DSCAM: variants seen among roughly 807,000 people sequenced by gnomAD.
DSCAM encodes cell adhesion molecule DSCAM.
A neutral mutation model predicts 217.7 loss-of-function variants in DSCAM; 47 were observed. The ratio of observed to expected loss-of-function variants is 0.22; its 90% CI spans 0.17 to 0.28. The LOEUF is 0.28. Ranked by LOEUF, DSCAM falls within the 10% of genes least tolerant of loss-of-function variation. The probability of loss-of-function intolerance (pLI) is 1.00; values close to 1 mark genes in which losing one functional copy is unlikely to be tolerated. For missense variants in DSCAM, 2,080 were observed against 2,618.3 expected, an observed-to-expected ratio of 0.79 and a Z score of 4.49; for synonymous variants, 1,056 against 1,015.3, an observed-to-expected ratio of 1.04 and a Z score of -0.76.
At chr21:40,444,985 C>T (rs1290427780) in intron 3 of DSCAM, among the ~76,000 whole-genome samples, 5 of 152,138 alleles carry the variant, frequency 3.3e-5, no homozygotes, top group Non-Finnish European at 4.4e-5. Flanking sequence ...GCTGCTATAA[C>T]AAAATATGGT....
At chr21:40,022,369 A>G (rs1435239667) in intron 32 of DSCAM, among the ~76,000 whole-genome samples, 2 of 152,216 alleles carry the variant, frequency 1.3e-5, no homozygotes, top group Non-Finnish European at 1.5e-5. Context: ...TCAAATACTA[A>G]CGGTGCTGCT....
At chr21:40,509,928 T>A (rs1236397889) in intron 3 of DSCAM, among the ~76,000 whole-genome samples, 1 of 152,090 alleles carries the variant, frequency 6.6e-6, no homozygotes, top group Admixed American at 6.5e-5. Context: ...ATGGAGATCA[T>A]CCTGGCTAAC....
chr21:40,023,341 G>C (rs1032278508), intron 32 of DSCAM, among the ~76,000 whole-genome samples: 3 of 152,240 alleles, frequency 2.0e-5, no homozygotes, highest in East Asian at 1.9e-4. Context: ...GTGTGCATAT[G>C]TCTTTATAGC....
chr21:40,785,382 G>T (rs1398818057), intron 1 of DSCAM, among the ~76,000 whole-genome samples: 1 of 152,218 alleles, frequency 6.6e-6, no homozygotes. Context: ...GAATTACTCT[G>T]ATGGAAAACT....
intron 32 of DSCAM, among the ~76,000 whole-genome samples, chr21:40,038,748 C>T (rs1466170080): frequency 6.9e-6 from 1 of 144,964 alleles, no homozygotes; most frequent in Non-Finnish European, 1.5e-5. Flanking sequence ...TTCACAATAG[C>T]AAAGACTTGG....
In DSCAM at chr21:40,334,507, C is replaced by G. The variant is rs528455067; in HGVS notation, c.1783+3594G>C. Among the ~76,000 whole-genome samples, 5 of 152,212 alleles carry G rather than the reference C, an allele frequency of 3.3e-5. No individual in the cohort carries two copies. The East Asian group carries it at 7.7e-4, about 24-fold the overall frequency. On this transcript the variant is annotated intron_variant, in intron 8 of 32. Coordinates refer to ENST00000400454, the MANE Select transcript of DSCAM (RefSeq NM_001389.5). ...TAGATCCGGAGTCTGTCTTCTACCCCCAACCTCCTCTGCTCTCCCCCTGGT... is the reference window on the plus strand; with the variant it reads ...TAGATCCGGAGTCTGTCTTCTACCCGCAACCTCCTCTGCTCTCCCCCTGGT...
intron 20 of DSCAM, among the ~76,000 whole-genome samples, chr21:40,119,610 G>A (rs1462911194): frequency 6.6e-6 from 1 of 151,990 alleles, no homozygotes; most frequent in African/African-American, 2.4e-5. Context: ...AGAATATTGG[G>A]AAATGCCTAC....
chr21:40,081,856 C>T (rs1472340203), intron 24 of DSCAM, among the ~76,000 whole-genome samples: 1 of 152,166 alleles, frequency 6.6e-6, no homozygotes, highest in Non-Finnish European at 1.5e-5. Flanking sequence ...GGAAACTCTC[C>T]CTCACTAAAA....
intron 2 of DSCAM, among the ~76,000 whole-genome samples, chr21:40,703,003 G>C (rs562996111): frequency 6.6e-6 from 1 of 152,000 alleles, no homozygotes; most frequent in Non-Finnish European, 1.5e-5. Flanking sequence ...TGTCTAAATA[G>C]CCAATTATTT....
At chr21:40,610,605 A>G (rs1213247082) in intron 3 of DSCAM, among the ~76,000 whole-genome samples, 2 of 152,252 alleles carry the variant, frequency 1.3e-5, no homozygotes, top group Non-Finnish European at 1.5e-5. Context: ...CCCTCCCCCA[A>G]TAAAAATGCA....
chr21:40,244,941 G>C (rs1420448109), intron 11 of DSCAM, among the ~76,000 whole-genome samples: 1 of 152,076 alleles, frequency 6.6e-6, no homozygotes, highest in East Asian at 1.9e-4. Flanking sequence ...GACTGCCAAG[G>C]GCTTGACTTC....
chr21:40,510,947 C>T (rs1054249917), intron 3 of DSCAM, among the ~76,000 whole-genome samples: 3 of 152,274 alleles, frequency 2.0e-5, no homozygotes, highest in Non-Finnish European at 2.9e-5. Flanking sequence ...TGCTTATTTA[C>T]GTATTAGAAT....
chr21:40,468,645 C>A (rs906575950), intron 3 of DSCAM, among the ~76,000 whole-genome samples: 7 of 152,114 alleles, frequency 4.6e-5, no homozygotes, highest in Admixed American at 3.9e-4. Flanking sequence ...GCACATTCAG[C>A]TGCACATTAT....
At chr21:40,745,871 A>C in intron 1 of DSCAM, among the ~76,000 whole-genome samples, 1 of 152,122 alleles carries the variant, frequency 6.6e-6, no homozygotes, top group Non-Finnish European at 1.5e-5. Context: ...TTAATATAAA[A>C]AGATGTAAAT....
intron 3 of DSCAM, among the ~76,000 whole-genome samples, chr21:40,636,747 G>T (rs1247024646): frequency 1.4e-5 from 2 of 147,764 alleles, no homozygotes. Context: ...GATTTTGGCC[G>T]GGGGTCTCAT....
intron 32 of DSCAM, among the ~76,000 whole-genome samples, chr21:40,020,632 G>A (rs917177368): frequency 5.9e-5 from 9 of 152,088 alleles, no homozygotes; most frequent in Non-Finnish European, 1.0e-4. Flanking sequence ...AAGGACTAGC[G>A]CTGGTAGGAG....
chr21:40,772,213 G>A (rs1199010505), intron 1 of DSCAM, among the ~76,000 whole-genome samples: 1 of 152,072 alleles, frequency 6.6e-6, no homozygotes, highest in Non-Finnish European at 1.5e-5. Flanking sequence ...TTTTCCCCCA[G>A]GCTGGAGTGC....
intron 14 of DSCAM, among the ~76,000 whole-genome samples, chr21:40,181,265 T>G (rs544322555): frequency 2.0e-5 from 3 of 152,306 alleles, no homozygotes; most frequent in Non-Finnish European, 4.4e-5. Flanking sequence ...ATCAGGTCAA[T>G]GTGCTGGGCA....
intron 11 of DSCAM, among the ~76,000 whole-genome samples, chr21:40,192,085 T>C (rs1383809240): frequency 2.0e-5 from 3 of 152,204 alleles, no homozygotes; most frequent in African/African-American, 7.2e-5. Flanking sequence ...ATATATACCA[T>C]TATAACCTGT....
Sources: allele counts gnomAD v4.1 joint callset (sites outside exome capture counted in the v4.1 genomes callset), GRCh38; gene constraint gnomAD v4.1.1; transcripts MANE v1.5; gene names NCBI Gene and HGNC (gene_info 2026-07-23, HGNC 2026-07-21).